The following CNTN5 variants were observed in gnomAD, a reference collection of about 807,000 sequenced individuals.
CNTN5 encodes contactin-5.
Under a neutral mutation model 129.1 loss-of-function variants are expected in CNTN5, and 77 were observed. That is an observed-to-expected ratio of 0.60 (90% confidence interval 0.50 to 0.72). CNTN5 has a LOEUF of 0.72. CNTN5 is among the 30% of genes least tolerant of loss of function. CNTN5 has a pLI of 0.00. For missense variants in CNTN5, 1,478 were observed against 1,328.8 expected, an observed-to-expected ratio of 1.11 and a Z score of -1.75; for synonymous variants, 509 against 465.6, an observed-to-expected ratio of 1.09 and a Z score of -1.20.
chr11:99,552,138 C>T (rs1164719110), intron 2 of CNTN5, among the ~76,000 whole-genome samples: 2 of 151,680 alleles, frequency 1.3e-5, no homozygotes, highest in Non-Finnish European at 2.9e-5. Context: ...AAACTCCTGA[C>T]CTCAAGTGAT....
At chr11:99,997,956 T>G (rs1291880574) in intron 8 of CNTN5, among the ~76,000 whole-genome samples, 1 of 151,938 alleles carries the variant, frequency 6.6e-6, no homozygotes, top group Non-Finnish European at 1.5e-5. Flanking sequence ...AATTCAACAA[T>G]CTTCATGCTA....
chr11:100,170,295 G>A (rs886472067), intron 13 of CNTN5, among the ~76,000 whole-genome samples: 1 of 151,926 alleles, frequency 6.6e-6, no homozygotes, highest in Non-Finnish European at 1.5e-5. Flanking sequence ...GTATGATTTT[G>A]TTTGCACTAT....
intron 2 of CNTN5, among the ~76,000 whole-genome samples, chr11:99,360,820 A>C (rs1057479985): frequency 6.6e-6 from 1 of 152,180 alleles, no homozygotes; most frequent in Non-Finnish European, 1.5e-5. Context: ...ATTCTTCACA[A>C]TATAGCCAGG....
At chr11:100,248,939 C>T (rs572488552) in intron 16 of CNTN5, among the ~76,000 whole-genome samples, 26 of 152,260 alleles carry the variant, frequency 1.7e-4, no homozygotes, top group African/African-American at 4.6e-4. Context: ...AAATTTGACC[C>T]GTTATCAAGA....
chr11:99,877,281 C>T (rs1948658158), intron 6 of CNTN5, among the ~76,000 whole-genome samples: 1 of 152,168 alleles, frequency 6.6e-6, no homozygotes, highest in Admixed American at 6.5e-5. Flanking sequence ...AATACACCGG[C>T]AGACAGATCT....
chr11:99,997,684 C>A (rs148509986), intron 8 of CNTN5, among the ~76,000 whole-genome samples: 1 of 151,906 alleles, frequency 6.6e-6, no homozygotes, highest in Non-Finnish European at 1.5e-5. Context: ...AGACCAAAGC[C>A]GGGCAGAGAC....
At chr11:99,771,196 A>G (rs1317857513) in intron 3 of CNTN5, among the ~76,000 whole-genome samples, 3 of 152,040 alleles carry the variant, frequency 2.0e-5, no homozygotes, top group African/African-American at 7.2e-5. Flanking sequence ...ACTTTCACAT[A>G]CAGAAGAATC....
chr11:99,431,651 C>T (rs1306651019), intron 2 of CNTN5, among the ~76,000 whole-genome samples: 1 of 152,030 alleles, frequency 6.6e-6, no homozygotes, highest in Non-Finnish European at 1.5e-5. Flanking sequence ...AGTCAGAGTC[C>T]CTTCCATTGG....
At chr11:99,957,113 TA>T in intron 8 of CNTN5, 104 bp downstream of exon 8, 1 of 1,007,722 alleles carries the variant, frequency 9.9e-7, no homozygotes, top group Non-Finnish European at 1.4e-6. Context: ...ACAAATAAAA[TA>T]AAAAGGCATT....
chr11:99,812,198 T>C (rs1946448669), intron 3 of CNTN5, among the ~76,000 whole-genome samples: 1 of 152,166 alleles, frequency 6.6e-6, no homozygotes, highest in African/African-American at 2.4e-5. Flanking sequence ...GAGTTTTCTG[T>C]AGATATATAG....
At chr11:99,972,706 C>T (rs1951297652) in intron 8 of CNTN5, among the ~76,000 whole-genome samples, 1 of 152,076 alleles carries the variant, frequency 6.6e-6, no homozygotes, top group Non-Finnish European at 1.5e-5. Flanking sequence ...TGAGGAGAAC[C>T]AGGGTTTTCA....
At chr11:99,577,617 T>C (rs1949399593) in intron 3 of CNTN5, among the ~76,000 whole-genome samples, 3 of 152,134 alleles carry the variant, frequency 2.0e-5, no homozygotes, top group South Asian at 4.1e-4. Flanking sequence ...TTGAGCCCGA[T>C]CATTAAAAAT....
At chr11:99,708,655 C>T (rs1301770427) in intron 3 of CNTN5, among the ~76,000 whole-genome samples, 3 of 151,640 alleles carry the variant, frequency 2.0e-5, no homozygotes, top group Middle Eastern at 3.2e-3. Context: ...TTCTTCGATG[C>T]CTACTGATGC....
intron 9 of CNTN5, among the ~76,000 whole-genome samples, chr11:100,027,795 G>A (rs1261256289): frequency 6.6e-6 from 1 of 152,182 alleles, no homozygotes. Flanking sequence ...CAGGGAGCAA[G>A]CTTGGGCAGT....
intron 4 of CNTN5, among the ~76,000 whole-genome samples, chr11:99,821,078 A>G (rs1225807972): frequency 2.0e-5 from 3 of 152,182 alleles, no homozygotes; most frequent in Admixed American, 6.5e-5. Flanking sequence ...TTAACTTTCT[A>G]TTACCTTAAG....
intron 18 of CNTN5, among the ~76,000 whole-genome samples, chr11:100,274,507 A>T (rs778902352): frequency 1.4e-4 from 22 of 152,214 alleles, no homozygotes; most frequent in Non-Finnish European, 2.9e-4. Flanking sequence ...ATCTATAAGG[A>T]ACTTAAACAA....
At chr11:99,420,069 T>C (rs1942821050) in intron 2 of CNTN5, among the ~76,000 whole-genome samples, 1 of 152,052 alleles carries the variant, frequency 6.6e-6, no homozygotes, top group Non-Finnish European at 1.5e-5. Flanking sequence ...CAGACATGTC[T>C]AGTGTTAAAA....
chr11:99,301,743 C>T (rs954203985), intron 1 of CNTN5, among the ~76,000 whole-genome samples: 1 of 151,636 alleles, frequency 6.6e-6, no homozygotes, highest in African/African-American at 2.4e-5. Flanking sequence ...TTAGTCTACA[C>T]ATTTATAGAA....
chr11:99,157,841 G>T (rs192169452), intron 1 of CNTN5, among the ~76,000 whole-genome samples: 6 of 152,248 alleles, frequency 3.9e-5, no homozygotes, highest in Middle Eastern at 3.4e-3. Flanking sequence ...CAGAATTCTT[G>T]CAGTAGCAAG....
Sources: allele counts gnomAD v4.1 joint callset (sites outside exome capture counted in the v4.1 genomes callset), GRCh38; gene constraint gnomAD v4.1.1; transcripts MANE v1.5; gene names NCBI Gene and HGNC (gene_info 2026-07-23, HGNC 2026-07-21).